Variants in SYNE1 observed in about 807,000 individuals in gnomAD.
SYNE1 encodes the protein spectrin repeat containing nuclear envelope protein 1, also known as nesprin-1.
In SYNE1, 616 loss-of-function variants were observed where a neutral mutation model predicts 1,111.0. The ratio of observed to expected loss-of-function variants is 0.55; its 90% CI spans 0.52 to 0.59. The LOEUF is 0.59. Among genes scored for constraint, SYNE1 ranks in the 20% least tolerant of loss-of-function variants. The pLI, the probability that SYNE1 is intolerant of heterozygous loss-of-function variation, is 0.00. For synonymous variants in SYNE1, 3,855 were observed against 3,825.8 expected, an observed-to-expected ratio of 1.01 and a Z score of -0.28; for missense variants, 10,006 against 10,417.0, an observed-to-expected ratio of 0.96 and a Z score of 1.72.
At chr6:152,138,548 TAAATAAATA>T (rs2057657369) in intron 140 of SYNE1, among the ~76,000 whole-genome samples, 1 of 146,772 alleles carries the variant, frequency 6.8e-6, no homozygotes, top group Non-Finnish European at 1.5e-5. Context: ...AATAAATAAA[TAAATAAATA>T]AAATAAAACA....
chr6:152,201,994 G>A, intron 126 of SYNE1, 45 bp from the exon 127 acceptor site: 1 of 1,606,704 alleles, frequency 6.2e-7, no homozygotes, highest in Non-Finnish European at 8.5e-7. Context: ...TTTTGATGTA[G>A]GAAACTGGGG....
intron 3 of SYNE1, among the ~76,000 whole-genome samples, chr6:152,557,416 G>A (rs959629244): frequency 5.9e-5 from 9 of 151,974 alleles, no homozygotes; most frequent in Non-Finnish European, 1.2e-4. Context: ...AATAATGTTA[G>A]AAAACTTCCC....
intron 131 of SYNE1, among the ~76,000 whole-genome samples, chr6:152,157,247 T>TA (rs1337987428): frequency 1.3e-5 from 2 of 152,148 alleles, no homozygotes; most frequent in Non-Finnish European, 2.9e-5. Context: ...TATTCGGTCA[T>TA]AAAAAAATGA....
chr6:152,188,575 G>A (rs983773220), intron 128 of SYNE1, among the ~76,000 whole-genome samples: 23 of 152,076 alleles, frequency 1.5e-4, no homozygotes, highest in Admixed American at 5.2e-4. Flanking sequence ...AGCTAATGTT[G>A]CAAATACAAC....
intron 125 of SYNE1, among the ~76,000 whole-genome samples, chr6:152,207,156 G>A (rs1319058013): frequency 6.6e-6 from 1 of 152,122 alleles, no homozygotes; most frequent in Non-Finnish European, 1.5e-5. Context: ...TGATAGACAA[G>A]GAGAAGTATA....
At chr6:152,413,627 TTTAGA>T in intron 41 of SYNE1, 96 bp from the exon 42 acceptor site, 2 of 1,217,628 alleles carry the variant, frequency 1.6e-6, no homozygotes, top group Non-Finnish European at 2.4e-6. Context: ...AAAGCACTCA[TTTAGA>T]CAGCTAGAAA....
chr6:152,417,260 A>G (rs998615415), intron 40 of SYNE1, among the ~76,000 whole-genome samples: 3 of 152,198 alleles, frequency 2.0e-5, no homozygotes, highest in Admixed American at 6.5e-5. Flanking sequence ...GCACTTTGGG[A>G]GGCCAAGGCG....
In SYNE1 at chr6:152,293,980, A is replaced by C. The variant is rs758517456; in HGVS notation, c.17830T>G (p.Trp5944Gly). 2 of 1,614,102 alleles carry C rather than the reference A, an allele frequency of 1.2e-6. No homozygotes were observed. Among genetic ancestry groups the C allele is most frequent in the South Asian group, 2.2e-5 (2 of 91,076 alleles). Residue 5944 changes from tryptophan (W) to glycine (G), a missense_variant, in exon 94 of 146, where the codon TGG becomes GGG. Trp to Gly is a radical substitution (Grantham distance 184). Around this residue, in one of 7 missense-constraint regions of SYNE1, gnomAD observed 4,955 missense variants for 5,017.2 expected, o/e 0.99. Coordinates refer to ENST00000367255, the MANE Select transcript of SYNE1 (RefSeq NM_182961.4). Reference sequence around the variant, plus strand: ...CTTACCACATTCTTTAAGGTTTCCCAAGAACGCTGCAAATCACCCAGTTTG... The same window carrying C: ...CTTACCACATTCTTTAAGGTTTCCCCAGAACGCTGCAAATCACCCAGTTTG... ...TAKLGDLQRS[W>G]ETLKNVISEK...
At chr6:152,147,904 T>C (rs761863878) in intron 137 of SYNE1, 141 bp downstream of exon 137, 15 of 779,404 alleles carry the variant, frequency 1.9e-5, no homozygotes, top group Non-Finnish European at 2.8e-5. Context: ...ATCACATTCA[T>C]ATCTAAGTGT....
chr6:152,320,843 T>C (rs931124898), intron 84 of SYNE1, among the ~76,000 whole-genome samples: 1 of 152,190 alleles, frequency 6.6e-6, no homozygotes, highest in African/African-American at 2.4e-5. Context: ...TTCTTTGATT[T>C]TTCCCTTTCC....
intron 104 of SYNE1, among the ~76,000 whole-genome samples, chr6:152,253,784 C>G: frequency 2.4e-5 from 2 of 83,034 alleles, no homozygotes; most frequent in Non-Finnish European, 5.1e-5. Flanking sequence ...TTCCATGTTT[C>G]TTGGCTAATG....
At chr6:152,364,686 GAGGAAGGAAGGAAGGAAGGA>G (rs138395598) in intron 63 of SYNE1, among the ~76,000 whole-genome samples, 141 bp downstream of exon 63, 1 of 108,012 alleles carries the variant, frequency 9.3e-6, no homozygotes, top group African/African-American at 3.8e-5. Context: ...AAGGAGGAAG[GAGGAAGGAAGGAAGGAAGGA>G]AGGAAGGAAG....
At chr6:152,367,094 C>G in intron 62 of SYNE1, 124 bp downstream of exon 62, 1 of 1,253,760 alleles carries the variant, frequency 8.0e-7, no homozygotes, top group Non-Finnish European at 1.2e-6. Context: ...GCGTTGCACT[C>G]ACAAAGCATC....
At chr6:152,506,522 CATTATTATT>C (rs909341079) in intron 8 of SYNE1, among the ~76,000 whole-genome samples, 39 of 151,250 alleles carry the variant, frequency 2.6e-4, no homozygotes, top group African/African-American at 9.2e-4. Context: ...TGTAAGTGTC[CATTATTATT>C]ATTATTATCA....
At chr6:152,140,243 C>A (rs2058241449) in intron 139 of SYNE1, 82 bp from the exon 140 acceptor site, 7 of 1,419,468 alleles carry the variant, frequency 4.9e-6, no homozygotes, top group Non-Finnish European at 5.0e-6. Context: ...AGGTTGGCAG[C>A]CAATTTTAAA....
chr6:152,618,220 T>C (rs539003383), intron 3 of SYNE1, among the ~76,000 whole-genome samples: 63 of 152,280 alleles, frequency 4.1e-4, no homozygotes, highest in African/African-American at 1.5e-3. Context: ...TCAGCCAAAA[T>C]TGGATAAAAT....
At chr6:152,290,465 G>A (rs757208325) in intron 95 of SYNE1, among the ~76,000 whole-genome samples, 39 of 152,266 alleles carry the variant, frequency 2.6e-4, no homozygotes, top group Non-Finnish European at 4.0e-4. Context: ...GCTGAGGCAG[G>A]AGAATCACTT....
chr6:152,200,076 C>A (rs896944834), intron 127 of SYNE1, among the ~76,000 whole-genome samples: 17 of 152,162 alleles, frequency 1.1e-4, no homozygotes, highest in Non-Finnish European at 2.2e-4. Context: ...TCTACCCCCC[C>A]AACTCGAGCA....
At chr6:152,555,993 C>T (rs924392551) in intron 3 of SYNE1, among the ~76,000 whole-genome samples, 5 of 152,116 alleles carry the variant, frequency 3.3e-5, no homozygotes, top group African/African-American at 9.7e-5. Flanking sequence ...CAGAGGCAAA[C>T]TTGAGTGCAT....
Sources: gnomAD v4.1 joint callset for allele counts (sites outside exome capture counted in the v4.1 genomes callset) on GRCh38, gnomAD v4.1.1 for gene constraint, gnomAD v4.1.1 regional missense constraint, MANE v1.5 for transcripts, NCBI Gene and HGNC (gene_info 2026-07-23, HGNC 2026-07-21) for gene names.